Variants in SCML4 observed in about 807,000 individuals in gnomAD.
SCML4 encodes the protein Scm polycomb group protein like 4, also known as sex comb on midleg-like protein 4.
SCML4 carries 34 observed loss-of-function variants against 41.1 expected under a neutral mutation model. The observed-to-expected ratio is 0.83, with a 90% CI of 0.63 to 1.10. The LOEUF is 1.10. Ranked by LOEUF, SCML4 falls within the 50% of genes least tolerant of loss-of-function variation. The probability of loss-of-function intolerance (pLI) is 0.00; values close to 1 mark genes in which losing one functional copy is unlikely to be tolerated. For synonymous variants in SCML4, 214 were observed against 220.9 expected (o/e 0.97, Z 0.28); for missense variants, 522 against 534.1 (o/e 0.98, Z 0.22).
At chr6:107,779,451 G>C (rs1781312540) in intron 1 of SCML4, among the ~76,000 whole-genome samples, 1 of 152,112 alleles carries the variant, frequency 6.6e-6, no homozygotes, top group Non-Finnish European at 1.5e-5. Flanking sequence ...AGGGATGTTT[G>C]GTGGTGCATG....
At chr6:107,816,926 G>A (rs868073574) in intron 1 of SCML4, among the ~76,000 whole-genome samples, 1 of 152,184 alleles carries the variant, frequency 6.6e-6, no homozygotes, top group African/African-American at 2.4e-5. Flanking sequence ...CACTCTCAGG[G>A]ATGAGAAAGA....
intron 6 of SCML4, among the ~76,000 whole-genome samples, chr6:107,712,379 T>C (rs1026080521): frequency 6.6e-6 from 1 of 152,114 alleles, no homozygotes; most frequent in Admixed American, 6.6e-5. Context: ...TTGAGCTAGG[T>C]CAGGGAAACA....
chr6:107,708,470 C>T (rs1432301351), intron 6 of SCML4, among the ~76,000 whole-genome samples: 3 of 152,168 alleles, frequency 2.0e-5, no homozygotes, highest in African/African-American at 4.8e-5. Flanking sequence ...TCCTTTCTGC[C>T]TCCATGGCCT....
chr6:107,705,350 G>T, intron 7 of SCML4, 25 bp from the exon 8 acceptor site: 1 of 1,550,114 alleles, frequency 6.5e-7, no homozygotes, highest in South Asian at 1.2e-5. Context: ...TCAGAAGAAA[G>T]ATAAACCCAG....
intron 7 of SCML4, among the ~76,000 whole-genome samples, chr6:107,706,339 T>C (rs1773624474): frequency 6.6e-6 from 1 of 152,158 alleles, no homozygotes; most frequent in South Asian, 2.1e-4. Context: ...CCCAAATCTG[T>C]CCAAGCATAA....
intron 5 of SCML4, chr6:107,740,194 A>C: frequency 2.1e-6 from 1 of 470,360 alleles, no homozygotes. Context: ...TTTTAGGCTC[A>C]GTTTTAGCTG....
intron 5 of SCML4, among the ~76,000 whole-genome samples, chr6:107,734,911 T>C (rs1489514974): frequency 6.6e-6 from 1 of 152,186 alleles, no homozygotes; most frequent in Non-Finnish European, 1.5e-5. Flanking sequence ...AATCATGCTC[T>C]GTCACCTAGG....
intron 1 of SCML4, among the ~76,000 whole-genome samples, chr6:107,778,909 G>A (rs928259177): frequency 9.2e-5 from 14 of 152,104 alleles, no homozygotes; most frequent in African/African-American, 3.4e-4. Flanking sequence ...GGCCGGGCGC[G>A]GTGGCTCACG....
At chr6:107,786,689 C>T (rs1781922058) in intron 1 of SCML4, among the ~76,000 whole-genome samples, 2 of 152,128 alleles carry the variant, frequency 1.3e-5, no homozygotes, top group Non-Finnish European at 1.5e-5. Context: ...AATGAATGGA[C>T]GATCAGTGTC....
At chr6:107,737,727 T>C (rs560034061) in intron 5 of SCML4, among the ~76,000 whole-genome samples, 2 of 152,232 alleles carry the variant, frequency 1.3e-5, no homozygotes, top group East Asian at 1.9e-4. Context: ...TGTGGAATGA[T>C]AGACAATGCA....
At chr6:107,745,300 G>A (rs886804943) in intron 4 of SCML4, 157 bp from the exon 5 acceptor site, 1 of 601,468 alleles carries the variant, frequency 1.7e-6, no homozygotes, top group African/African-American at 1.9e-5. Flanking sequence ...CCTGTTTCTG[G>A]TGGGGATCCC....
rs117300914 is a variant in SCML4 at position 107,751,287 on chromosome 6, G to T, written c.157-1474C>A. The stretch of plus-strand genomic sequence containing the variant: ...GACATTTTTAAATAAGGAGGTTGAG[G>T]CATTTCTTGGGTGAAATTGTACCCA... On this transcript the variant is annotated intron_variant, in intron 2 of 7. Coordinates refer to ENST00000369020, the MANE Select transcript of SCML4 (RefSeq NM_198081.5). 6.9e-4 allele frequency among the ~76,000 whole-genome samples: 105 copies of T among 152,318 alleles called. 1 individual carries two copies. The East Asian group carries it at 0.02, about 29-fold the overall frequency.
chr6:107,829,288 A>C (rs554744450), upstream of SCML4, among the ~76,000 whole-genome samples: 4 of 152,038 alleles, frequency 2.6e-5, no homozygotes, highest in South Asian at 4.2e-4. Context: ...CGGTAGGCTG[A>C]GGTGGGAGGA....
At chr6:107,814,545 G>GT (rs1052190669) in intron 1 of SCML4, among the ~76,000 whole-genome samples, 1 of 152,096 alleles carries the variant, frequency 6.6e-6, no homozygotes, top group African/African-American at 2.4e-5. Context: ...TTACAAACAT[G>GT]TTTTTTTGTT....
At chr6:107,738,172 T>C (rs1329942394) in intron 5 of SCML4, among the ~76,000 whole-genome samples, 1 of 152,162 alleles carries the variant, frequency 6.6e-6, no homozygotes, top group Non-Finnish European at 1.5e-5. Flanking sequence ...GCCTCCATTC[T>C]CCTAAAACAC....
At chr6:107,769,248 G>A (rs1488240772) in intron 2 of SCML4, among the ~76,000 whole-genome samples, 1 of 152,228 alleles carries the variant, frequency 6.6e-6, no homozygotes, top group Non-Finnish European at 1.5e-5. Flanking sequence ...TCATGTGGCT[G>A]CGAGCCTGGG....
chr6:107,844,529 C>T, the SCML4 span, among the ~76,000 whole-genome samples: 1 of 151,692 alleles, frequency 6.6e-6, no homozygotes, highest in Non-Finnish European at 1.5e-5. Flanking sequence ...GAGATCCTGT[C>T]TCTACATAAT....
chr6:107,717,814 G>A (rs6941160), intron 6 of SCML4, among the ~76,000 whole-genome samples: 28,165 of 152,216 alleles, frequency 0.19, 2,706 homozygotes, highest in African/African-American at 0.22. Context: ...TCCCAAAGTG[G>A]TGGGATTGCA....
intron 2 of SCML4, 128 bp downstream of exon 2, chr6:107,772,044 G>C: frequency 1.4e-6 from 1 of 709,986 alleles, no homozygotes; most frequent in South Asian, 2.6e-5. Context: ...CTTCACCGAG[G>C]GAGGCTTATT....
Sources: allele counts gnomAD v4.1 joint callset (sites outside exome capture counted in the v4.1 genomes callset), GRCh38; gene constraint gnomAD v4.1.1; transcripts MANE v1.5; gene names NCBI Gene and HGNC (gene_info 2026-07-23, HGNC 2026-07-21).